PHKB: variants seen among roughly 807,000 people sequenced by gnomAD.
PHKB encodes phosphorylase kinase regulatory subunit beta.
PHKB carries 122 observed loss-of-function variants against 152.1 expected under a neutral mutation model. The ratio of observed to expected loss-of-function variants is 0.80; its 90% CI spans 0.69 to 0.93. PHKB has a LOEUF of 0.93. PHKB is among the 40% of genes least tolerant of loss of function. The pLI is 0.00. For synonymous variants in PHKB, 436 were observed against 464.9 expected (o/e 0.94, Z 0.80); for missense variants, 1,304 against 1,328.4 (o/e 0.98, Z 0.29).
chr16:47,674,991 C>T (rs541849314), intron 26 of PHKB, among the ~76,000 whole-genome samples: 1 of 152,322 alleles, frequency 6.6e-6, no homozygotes, highest in East Asian at 1.9e-4. Flanking sequence ...ACTTAAGTGA[C>T]TATCTCAGGC....
At chr16:47,539,668 A>C (rs1971016927) in intron 6 of PHKB, among the ~76,000 whole-genome samples, 1 of 152,190 alleles carries the variant, frequency 6.6e-6, no homozygotes, top group Non-Finnish European at 1.5e-5. Context: ...TGTTGCAGGA[A>C]GTCAGGGACC....
At chr16:47,511,371 A>G (rs1970507098) in intron 4 of PHKB, among the ~76,000 whole-genome samples, 1 of 152,218 alleles carries the variant, frequency 6.6e-6, no homozygotes, top group South Asian at 2.1e-4. Flanking sequence ...TTTACTCTAA[A>G]ACAAAATAAG....
In PHKB at chr16:47,592,299, T is replaced by C. The variant is rs547988920; in HGVS notation, c.1069-1201T>C. ...CCTGCTGAGTATTCACCTGTGGTTC[T>C]CTTTTATTTCCAGACCAAAGTCTTA... On this transcript the variant is annotated intron_variant, in intron 10 of 30. Transcript: ENST00000323584. Among the ~76,000 whole-genome samples the C allele has an allele frequency of 1.1e-4, 17 of 152,360 alleles. No homozygotes were observed. In the South Asian group the frequency reaches 3.5e-3, roughly 32 times the overall value.
At chr16:47,644,013 C>T (rs552604228) in intron 16 of PHKB, among the ~76,000 whole-genome samples, 1 of 152,190 alleles carries the variant, frequency 6.6e-6, no homozygotes, top group Admixed American at 6.5e-5. Flanking sequence ...GTGTTATATG[C>T]ACCCTGGAAT....
intron 26 of PHKB, among the ~76,000 whole-genome samples, chr16:47,673,852 G>C (rs1398814881): frequency 6.6e-6 from 1 of 152,100 alleles, no homozygotes. Context: ...GTAGGCACTA[G>C]AACCACCATT....
intron 13 of PHKB, chr16:47,598,759 A>G: frequency 6.3e-7 from 1 of 1,587,328 alleles, no homozygotes; most frequent in Non-Finnish European, 8.6e-7. Flanking sequence ...TTCAGCCTAA[A>G]GAATCACCTC....
chr16:47,641,839 C>A (rs1973028282), intron 16 of PHKB, 147 bp downstream of exon 16: 1 of 668,508 alleles, frequency 1.5e-6, no homozygotes, highest in African/African-American at 1.8e-5. Context: ...ATTGAGAAGT[C>A]CACTTTAATG....
intron 23 of PHKB, among the ~76,000 whole-genome samples, chr16:47,662,309 C>A (rs1356537223): frequency 1.3e-5 from 2 of 152,134 alleles, no homozygotes; most frequent in Non-Finnish European, 2.9e-5. Flanking sequence ...GGATGAAAAC[C>A]AGTTATCCCC....
chr16:47,597,116 C>T (rs78875220), intron 13 of PHKB, among the ~76,000 whole-genome samples: 1 of 152,248 alleles, frequency 6.6e-6, no homozygotes, highest in Non-Finnish European at 1.5e-5. Flanking sequence ...TGCATTCTTC[C>T]TGCAAATTCC....
chr16:47,495,896 T>C (rs1970223972), intron 1 of PHKB, among the ~76,000 whole-genome samples: 1 of 152,210 alleles, frequency 6.6e-6, no homozygotes, highest in South Asian at 2.1e-4. Flanking sequence ...GAAAATCTTC[T>C]TTTCGCTCAG....
chr16:47,547,518 A>G lies in PHKB; in HGVS notation c.680A>G (p.Tyr227Cys), dbSNP rs1193202835. 2 of 1,608,598 alleles carry G rather than the reference A, an allele frequency of 1.2e-6. No individual in the cohort carries two copies. The highest frequency in any genetic ancestry group is 3.3e-5 in the Admixed American group (2 of 60,014). The stretch of plus-strand genomic sequence containing the variant: ...GGTGTCTGGGAAAGAGGAAGCAAAT[A>G]TAATAATGGCAGCACAGAGCTACAT... ...DFGVWERGSKYNNGSTELHSS... is the reference protein window; with the variant it reads ...DFGVWERGSKCNNGSTELHSS... Residue 227 changes from tyrosine (Y) to cysteine (C), a missense_variant, in exon 7 of 31, where the codon TAT becomes TGT. Transcript: ENST00000323584.
chr16:47,545,561 A>G (rs1469856208), intron 6 of PHKB, among the ~76,000 whole-genome samples: 1 of 151,964 alleles, frequency 6.6e-6, no homozygotes, highest in Non-Finnish European at 1.5e-5. Context: ...GAATTTGACA[A>G]TTATGTGTCT....
intron 13 of PHKB, among the ~76,000 whole-genome samples, chr16:47,599,380 G>A (rs764421020): frequency 3.2e-4 from 48 of 152,122 alleles, no homozygotes; most frequent in Non-Finnish European, 5.9e-4. Context: ...AATGTTGTTT[G>A]AGCAAAGCCT....
chr16:47,512,242 C>G (rs1479654461), intron 5 of PHKB, among the ~76,000 whole-genome samples: 1 of 152,168 alleles, frequency 6.6e-6, no homozygotes, highest in East Asian at 1.9e-4. Context: ...AGAATCAACT[C>G]TGAAACAGAG....
chr16:47,660,781 A>G lies in PHKB; in HGVS notation c.2158A>G (p.Lys720Glu), dbSNP rs1170319567. The G allele has an allele frequency of 1.2e-6, 2 of 1,613,956 alleles. No homozygotes were observed. Among genetic ancestry groups the G allele is most frequent in the African/African-American group, 2.7e-5 (2 of 74,904 alleles). Residue 720 changes from lysine (K) to glutamate (E), a missense_variant, in exon 22 of 31, where the codon AAG becomes GAG. By Grantham distance (56) the Lys-to-Glu change is moderately conservative. Transcript: ENST00000323584. ...GCCGGATGTCAACATTAGTGAATGG[A>G]AGGACAAACCCACCCACGAAATTCT... ...QQPDVNISEW[K>E]DKPTHEILQK...
chr16:47,535,141 A>G (rs539556896), intron 6 of PHKB, among the ~76,000 whole-genome samples: 81 of 152,196 alleles, frequency 5.3e-4, no homozygotes, highest in Non-Finnish European at 1.0e-3. Flanking sequence ...ATTTAGCTGT[A>G]CAAGACACAG....
intron 26 of PHKB, among the ~76,000 whole-genome samples, chr16:47,671,469 A>G (rs529550259): frequency 5.9e-5 from 9 of 152,056 alleles, no homozygotes; most frequent in East Asian, 1.9e-4. Flanking sequence ...ATTTTGACCT[A>G]TTTCTATATT....
At chr16:47,492,744 G>A (rs958940149) in intron 1 of PHKB, among the ~76,000 whole-genome samples, 15 of 152,168 alleles carry the variant, frequency 9.9e-5, no homozygotes, top group Non-Finnish European at 2.1e-4. Context: ...AGGGGTTGGG[G>A]CATGGTTTCC....
At chr16:47,515,378 C>T (rs1970577805) in intron 5 of PHKB, 143 bp from the exon 6 acceptor site, 1 of 639,760 alleles carries the variant, frequency 1.6e-6, no homozygotes, top group South Asian at 1.8e-5. Context: ...ACTAAATTCA[C>T]AACACCTTTA....
Sources: gnomAD v4.1 joint callset for allele counts (sites outside exome capture counted in the v4.1 genomes callset) on GRCh38, gnomAD v4.1.1 for gene constraint, MANE v1.5 for transcripts, NCBI Gene and HGNC (gene_info 2026-07-23, HGNC 2026-07-21) for gene names.